The following TXNDC16 variants were observed in gnomAD, a reference collection of about 807,000 sequenced individuals.
TXNDC16 encodes the protein thioredoxin domain containing 16.
TXNDC16 carries 74 observed loss-of-function variants against 85.6 expected under a neutral mutation model. That is an observed-to-expected ratio of 0.86 (90% CI 0.72 to 1.05). TXNDC16 has a LOEUF of 1.05. TXNDC16 is among the 50% of genes least tolerant of loss of function. The pLI is 0.00. For synonymous variants in TXNDC16, 335 were observed against 326.5 expected (o/e 1.03, Z -0.28); for missense variants, 959 against 947.0 (o/e 1.01, Z -0.17).
rs563201008 is a variant in TXNDC16 at position 52,546,428 on chromosome 14, T to G, written c.-181-2057A>C. Among the ~76,000 whole-genome samples, 5 of 152,352 alleles carry G rather than the reference T, an allele frequency of 3.3e-5. No homozygotes were observed. The South Asian group carries it at 1.0e-3, about 32-fold the overall frequency. On this transcript the variant is annotated intron_variant, in intron 1 of 20. Transcript: ENST00000281741. ...TAGTTCTAGTTCTCCTTGCAGTTACTAATTACACTTAAGCTCCCTCCATCC... is the reference window on the plus strand; with the variant it reads ...TAGTTCTAGTTCTCCTTGCAGTTACGAATTACACTTAAGCTCCCTCCATCC...
At position 52,511,284 on chromosome 14, in the gene TXNDC16, G is replaced by A. The variant is rs756047102; in HGVS notation, c.712C>T (p.Leu238=). ...GTCTTAATAAACAGGTGAATGTTCA[G>A]TGTAGTCAATGGCTGTTCCATTAGT... The part of the protein sequence containing the change: ...RTLMEQPLTT[L]NIHLFIKTMK... The change falls in exon 9 of 21, where the codon CTG becomes TTG. Residue 238 remains leucine, a synonymous_variant. Coordinates refer to ENST00000281741, the MANE Select transcript of TXNDC16 (RefSeq NM_020784.3). 1.0e-5 allele frequency: 16 copies of A among 1,603,062 alleles called. No individual in the cohort carries two copies. In the South Asian group the frequency reaches 1.7e-4, roughly 17 times the overall value.
chr14:52,438,827 C>A (rs529858931), intron 20 of TXNDC16, among the ~76,000 whole-genome samples: 1 of 152,110 alleles, frequency 6.6e-6, no homozygotes, highest in Non-Finnish European at 1.5e-5. Context: ...AAAAGCTGCA[C>A]AAGAAATATC....
chr14:52,487,173 C>T (rs1196624606), intron 12 of TXNDC16, among the ~76,000 whole-genome samples: 1 of 152,146 alleles, frequency 6.6e-6, no homozygotes, highest in Non-Finnish European at 1.5e-5. Context: ...AAGCAGGAAA[C>T]AAGAGACCAG....
chr14:52,530,211 ACAG>A (rs2037474022), intron 6 of TXNDC16, among the ~76,000 whole-genome samples: 3 of 73,092 alleles, frequency 4.1e-5, no homozygotes, highest in African/African-American at 6.2e-5. Flanking sequence ...ATTATATTAT[ACAG>A]AATAATATAT....
Position 52,508,109 on chromosome 14 carries a change from A to G in TXNDC16, c.756+3131T>C, listed in dbSNP as rs2036858343. Among the ~76,000 whole-genome samples the G allele has an allele frequency of 2.0e-5, 3 of 152,182 alleles. No individual in the cohort carries two copies. The South Asian group carries it at 6.2e-4, about 31-fold the overall frequency. ...GAGCTTCTGCACAGCAAAAGAAACT[A>G]CCATCAGAGTGAACAGGCAACCTAC... On this transcript the variant is annotated intron_variant, in intron 9 of 20. Transcript: ENST00000281741.
Position 52,545,483 on chromosome 14 carries a change from G to A in TXNDC16, c.-181-1112C>T, listed in dbSNP as rs151140927. ...TTACTTAAAGCAAAGAATACCGCAC[G>A]GGTCAGCTAGAAGTAGAATTTATGT... On this transcript the variant is annotated intron_variant, in intron 1 of 20. Transcript: ENST00000281741. 2.1e-3 allele frequency among the ~76,000 whole-genome samples: 312 copies of A among 152,164 alleles called. 1 individual carries two copies. The highest frequency in any genetic ancestry group is 5.3e-3 in the African/African-American group (218 of 41,506).
intron 1 of TXNDC16, among the ~76,000 whole-genome samples, 188 bp downstream of exon 1, chr14:52,552,128 C>G (rs1191024706): frequency 6.6e-6 from 1 of 152,204 alleles, no homozygotes; most frequent in Non-Finnish European, 1.5e-5. Flanking sequence ...GCCGTTCATG[C>G]AGCGAAAAGA....
At chr14:52,550,635 G>A (rs2038024195) in intron 1 of TXNDC16, among the ~76,000 whole-genome samples, 1 of 152,042 alleles carries the variant, frequency 6.6e-6, no homozygotes, top group Non-Finnish European at 1.5e-5. Flanking sequence ...CTATCCAGAT[G>A]TTTACTATCA....
intron 3 of TXNDC16, among the ~76,000 whole-genome samples, chr14:52,543,013 T>A (rs1157391011): frequency 6.6e-6 from 1 of 152,194 alleles, no homozygotes; most frequent in African/African-American, 2.4e-5. Flanking sequence ...GCATTACATT[T>A]AAAGTTGTAA....
intron 18 of TXNDC16, among the ~76,000 whole-genome samples, chr14:52,441,045 T>C (rs940596741): frequency 1.4e-4 from 22 of 152,176 alleles, no homozygotes; most frequent in African/African-American, 5.3e-4. Context: ...CTAACCAATA[T>C]ACACATGACA....
intron 9 of TXNDC16, among the ~76,000 whole-genome samples, chr14:52,496,564 T>A (rs2036538442): frequency 6.6e-6 from 1 of 151,918 alleles, no homozygotes; most frequent in Non-Finnish European, 1.5e-5. Context: ...ATAATTCTTT[T>A]AAAATCTTGT....
At position 52,432,261 on chromosome 14, in the gene TXNDC16, T is replaced by C; in HGVS notation, c.*43A>G. On this transcript the variant is annotated 3_prime_UTR_variant, in exon 21 of 21. Coordinates refer to ENST00000281741, the MANE Select transcript of TXNDC16 (RefSeq NM_020784.3). ...TTATTCTTTAAGGAAATAAATTAAG[T>C]CTATCATGCCAAAAAAATTTTGGAA... The C allele has an allele frequency of 1.3e-6, 2 of 1,523,642 alleles. No individual in the cohort carries two copies. The highest frequency in any genetic ancestry group is 8.8e-7 in the Non-Finnish European group (1 of 1,137,060). 94.4% of individuals were successfully genotyped at this position (1,523,642 alleles called of 1,614,324 possible).
intron 2 of TXNDC16, 29 bp from the exon 3 acceptor site, chr14:52,543,659 T>C: frequency 3.1e-6 from 4 of 1,278,830 alleles, no homozygotes; most frequent in Non-Finnish European, 4.3e-6. Context: ...TCAACAAGAG[T>C]TTGTTGAATG....
At chr14:52,455,492 G>T (rs148961675) in intron 17 of TXNDC16, 30 bp from the exon 18 acceptor site, 4 of 1,611,322 alleles carry the variant, frequency 2.5e-6, no homozygotes, top group African/African-American at 1.3e-5. Flanking sequence ...TAAAATTCAC[G>T]ATCAAAATCT....
chr14:52,530,444 A>ATATTATTATATG (rs2037514048), intron 6 of TXNDC16, among the ~76,000 whole-genome samples: 1 of 15,530 alleles, frequency 6.4e-5, no homozygotes, highest in African/African-American at 3.8e-4. Flanking sequence ...TATATAATAT[A>ATATTATTATATG]TTATTATATA....
chr14:52,434,281 G>A (rs1427766140), intron 20 of TXNDC16, among the ~76,000 whole-genome samples: 2 of 152,256 alleles, frequency 1.3e-5, no homozygotes, highest in Non-Finnish European at 2.9e-5. Flanking sequence ...GCGGCCTAGC[G>A]GTCTGAGACT....
At chr14:52,432,898 C>T (rs930694894) in intron 20 of TXNDC16, among the ~76,000 whole-genome samples, 18 of 152,098 alleles carry the variant, frequency 1.2e-4, no homozygotes, top group African/African-American at 3.9e-4. Flanking sequence ...TTTTCAAAAA[C>T]AGCAATATGT....
At chr14:52,502,933 C>T (rs138991012) in intron 9 of TXNDC16, among the ~76,000 whole-genome samples, 97 of 152,342 alleles carry the variant, frequency 6.4e-4, no homozygotes, top group African/African-American at 2.0e-3. Context: ...TTATATCCCG[C>T]GCTTGAGGGC....
At chr14:52,478,231 G>A (rs754983764) in intron 14 of TXNDC16, among the ~76,000 whole-genome samples, 5 of 152,042 alleles carry the variant, frequency 3.3e-5, no homozygotes, top group Non-Finnish European at 7.4e-5. Context: ...AAGTCTGAAA[G>A]AGCACAAACA....
Sources: gnomAD v4.1 joint callset for allele counts (sites outside exome capture counted in the v4.1 genomes callset) on GRCh38, gnomAD v4.1.1 for gene constraint, MANE v1.5 for transcripts, NCBI Gene and HGNC (gene_info 2026-07-23, HGNC 2026-07-21) for gene names.